The following FANCB variants were observed in gnomAD, a reference collection of about 807,000 sequenced individuals.
FANCB encodes the protein FA complementation group B.
A neutral mutation model predicts 38.9 loss-of-function variants in FANCB; 5 were observed. That is an observed-to-expected ratio of 0.13 (90% CI 0.07 to 0.27). The LOEUF (loss-of-function observed/expected upper bound fraction) is 0.27, where lower values mean the gene tolerates loss of function less well. Ranked by LOEUF, FANCB falls within the 10% of genes least tolerant of loss-of-function variation. FANCB has a pLI of 1.00. For missense variants in FANCB, 573 were observed against 602.7 expected, an observed-to-expected ratio of 0.95 and a Z score of 0.52; for synonymous variants, 236 against 215.4, an observed-to-expected ratio of 1.10 and a Z score of -0.84.
chrX:14,796,693 T>TACACACAC, the FANCB span, among the ~76,000 whole-genome samples: 1,058 of 92,099 alleles, frequency 0.011, 22 homozygotes, highest in African/African-American at 0.039. Context: ...CGTCTATATA[T>TACACACAC]ACACACACAC....
At chrX:14,808,128 C>A in the FANCB span, among the ~76,000 whole-genome samples, 2 of 111,568 alleles carry the variant, frequency 1.8e-5, no homozygotes, top group Non-Finnish European at 3.8e-5. Flanking sequence ...CTAAGTTCTA[C>A]CAAACATTTA....
chrX:14,804,400 C>T, the FANCB span, among the ~76,000 whole-genome samples: 10 of 111,421 alleles, frequency 9.0e-5, no homozygotes, highest in Admixed American at 2.9e-4. Context: ...AACCAAACAC[C>T]GCATGTTCTC....
chrX:14,695,349 CA>C, the FANCB span, among the ~76,000 whole-genome samples: 26 of 110,891 alleles, frequency 2.3e-4, no homozygotes, highest in African/African-American at 8.2e-4. Flanking sequence ...ATATTTTTTC[CA>C]AAATGGAAGA....
chrX:14,789,502 C>T, the FANCB span, among the ~76,000 whole-genome samples: 1 of 111,586 alleles, frequency 9.0e-6, no homozygotes, highest in East Asian at 2.8e-4. Flanking sequence ...ATTAATGACA[C>T]TTAATAATAT....
At chrX:14,822,205 C>A in the FANCB span, among the ~76,000 whole-genome samples, 1 of 110,392 alleles carries the variant, frequency 9.1e-6, no homozygotes, top group Non-Finnish European at 1.9e-5. Flanking sequence ...GTGCAAGCAA[C>A]TGTACTTCCT....
chrX:14,847,113 C>T (rs766320120), intron 7 of FANCB, among the ~76,000 whole-genome samples: 1 of 109,787 alleles, frequency 9.1e-6, no homozygotes, highest in Non-Finnish European at 1.9e-5. Flanking sequence ...GTGAGGAGTG[C>T]ATGGAGGTAT....
the FANCB span, among the ~76,000 whole-genome samples, chrX:14,738,287 T>C: frequency 8.9e-6 from 1 of 112,382 alleles, no homozygotes; most frequent in African/African-American, 3.2e-5. Context: ...AATTCCCTTA[T>C]AACGTTACTG....
At chrX:14,742,474 C>T in the FANCB span, among the ~76,000 whole-genome samples, 1 of 111,725 alleles carries the variant, frequency 9.0e-6, no homozygotes. Context: ...TGCCCTGGGA[C>T]AGAAGATAGT....
the FANCB span, among the ~76,000 whole-genome samples, chrX:14,811,552 G>T: frequency 2.7e-5 from 3 of 111,000 alleles, no homozygotes; most frequent in African/African-American, 9.9e-5. Flanking sequence ...AACCAACAAA[G>T]ATCAAAAGAG....
chrX:14,718,786 C>T, the FANCB span, among the ~76,000 whole-genome samples: 3 of 111,591 alleles, frequency 2.7e-5, no homozygotes, highest in South Asian at 1.1e-3. Context: ...TCCCAAGACT[C>T]CAGGCCCAAG....
At chrX:14,705,692 A>G in the FANCB span, among the ~76,000 whole-genome samples, 3 of 112,246 alleles carry the variant, frequency 2.7e-5, no homozygotes, top group Non-Finnish European at 5.6e-5. Flanking sequence ...CCTCTTTTGT[A>G]AGTGAACTCT....
chrX:14,772,536 G>A, the FANCB span, among the ~76,000 whole-genome samples: 1 of 112,330 alleles, frequency 8.9e-6, no homozygotes, highest in Admixed American at 9.3e-5. Context: ...CCCTTCTCAG[G>A]CAGACTCCAA....
chrX:14,815,322 A>G, the FANCB span, among the ~76,000 whole-genome samples: 10 of 110,385 alleles, frequency 9.1e-5, no homozygotes, highest in Non-Finnish European at 1.7e-4. Flanking sequence ...AGTATAATTT[A>G]AAAAAAAGTG....
intron 3 of FANCB, among the ~76,000 whole-genome samples, chrX:14,860,024 T>C (rs149548476): frequency 1.8e-5 from 2 of 111,583 alleles, no homozygotes; most frequent in Admixed American, 9.5e-5. Context: ...ACGGAATGAT[T>C]TGGTCAGTTT....
chrX:14,708,180 C>CTCTA, the FANCB span, among the ~76,000 whole-genome samples: 1 of 111,733 alleles, frequency 8.9e-6, no homozygotes, highest in Admixed American at 9.5e-5. Flanking sequence ...TTTCCCCTCA[C>CTCTA]TCTATCTCTT....
At chrX:14,716,833 T>C in the FANCB span, among the ~76,000 whole-genome samples, 1 of 110,920 alleles carries the variant, frequency 9.0e-6, no homozygotes, top group African/African-American at 3.3e-5. Context: ...CTAAAACCAA[T>C]AGGTAACTAG....
intron 7 of FANCB, among the ~76,000 whole-genome samples, chrX:14,846,096 G>C (rs929194491): frequency 8.9e-6 from 1 of 111,935 alleles, no homozygotes; most frequent in African/African-American, 3.2e-5. Flanking sequence ...GCTGTTTTAT[G>C]AACACTACAT....
the FANCB span, among the ~76,000 whole-genome samples, chrX:14,815,384 AG>A: frequency 9.0e-6 from 1 of 111,499 alleles, no homozygotes; most frequent in South Asian, 3.7e-4. Context: ...AAAAAAAAAA[AG>A]AAAAGAAAAG....
chrX:14,730,929 CACACACACACACACACACACAA>C, the FANCB span: 9 of 114,590 alleles, frequency 7.9e-5, no homozygotes, highest in African/African-American at 3.4e-4. Flanking sequence ...CACACACACA[CACACACACACACACACACACAA>C]ACTTCAAAAA....
Sources: gnomAD v4.1 joint callset for allele counts (sites outside exome capture counted in the v4.1 genomes callset) on GRCh38, gnomAD v4.1.1 for gene constraint, MANE v1.5 for transcripts, NCBI Gene and HGNC (gene_info 2026-07-23, HGNC 2026-07-21) for gene names.